The following DLGAP1 variants were observed in gnomAD, a reference collection of about 807,000 sequenced individuals.
DLGAP1 encodes DLG associated protein 1.
DLGAP1 carries 11 observed loss-of-function variants against 90.8 expected under a neutral mutation model. That is an observed-to-expected ratio of 0.12 (90% CI 0.08 to 0.20). The LOEUF (loss-of-function observed/expected upper bound fraction) is 0.20, where lower values mean the gene tolerates loss of function less well. Ranked by LOEUF, DLGAP1 falls within the 10% of genes least tolerant of loss-of-function variation. The pLI is 1.00. For missense variants in DLGAP1, 1,050 were observed against 1,333.8 expected (o/e 0.79, Z 3.31); for synonymous variants, 558 against 540.7 (o/e 1.03, Z -0.44).
intron 3 of DLGAP1, among the ~76,000 whole-genome samples, chr18:3,962,747 G>C (rs2073229633): frequency 6.6e-6 from 1 of 152,120 alleles, no homozygotes; most frequent in Non-Finnish European, 1.5e-5. Flanking sequence ...TTTTGCTTTG[G>C]ACTGACAGCG....
In DLGAP1 at chr18:3,754,157, T is replaced by C. The variant is rs115021482; in HGVS notation, c.1173-11645A>G. ...TTGGAACTACAGGCACATGCCACCA[T>C]ACCCTGCTAATTTTTTTGTATTTTT... On this transcript the variant is annotated intron_variant, in intron 5 of 12. Transcript: ENST00000315677. 1.2e-3 allele frequency among the ~76,000 whole-genome samples: 177 copies of C among 152,210 alleles called. 1 individual carries two copies. Among genetic ancestry groups the C allele is most frequent in the African/African-American group, 4.1e-3 (171 of 41,528 alleles).
intron 2 of DLGAP1, among the ~76,000 whole-genome samples, chr18:4,138,022 T>A (rs928899664): frequency 3.9e-5 from 6 of 152,144 alleles, no homozygotes; most frequent in African/African-American, 1.4e-4. Context: ...GTCTTTAGGC[T>A]TTCCCACATA....
intron 7 of DLGAP1, among the ~76,000 whole-genome samples, chr18:3,676,714 T>C (rs951428893): frequency 1.3e-5 from 2 of 151,848 alleles, no homozygotes; most frequent in Admixed American, 1.3e-4. Context: ...TAGAAGAAAT[T>C]GTGAGGTCAG....
At chr18:4,422,176 TA>T (rs1483028357) in intron 1 of DLGAP1, among the ~76,000 whole-genome samples, 2 of 151,758 alleles carry the variant, frequency 1.3e-5, no homozygotes, top group East Asian at 1.9e-4. Context: ...ACCTGAGGCT[TA>T]ATTTATAATA....
intron 1 of DLGAP1, among the ~76,000 whole-genome samples, chr18:4,435,939 C>T (rs9959501): frequency 0.052 from 7,962 of 152,084 alleles, 691 homozygotes; most frequent in African/African-American, 0.18. Context: ...AGCAGATGCG[C>T]ACACAGGTGT....
chr18:4,140,919 T>C (rs2076485061), intron 2 of DLGAP1, among the ~76,000 whole-genome samples: 1 of 152,028 alleles, frequency 6.6e-6, no homozygotes, highest in African/African-American at 2.4e-5. Context: ...TGGAGATCCA[T>C]TGCATGTTAT....
At chr18:3,783,101 TTAC>T (rs1357916441) in intron 5 of DLGAP1, among the ~76,000 whole-genome samples, 3 of 152,256 alleles carry the variant, frequency 2.0e-5, no homozygotes, top group Admixed American at 2.0e-4. Flanking sequence ...CCACAGTGAA[TTAC>T]TACTTCACAC....
chr18:3,746,263 ATAGAT>A (rs967357006), intron 5 of DLGAP1, among the ~76,000 whole-genome samples: 2 of 152,198 alleles, frequency 1.3e-5, no homozygotes, highest in African/African-American at 4.8e-5. Flanking sequence ...CCAATACAAT[ATAGAT>A]TATATTTTAT....
At chr18:3,708,606 G>A in intron 7 of DLGAP1, 2 of 449,886 alleles carry the variant, frequency 4.4e-6, no homozygotes, top group Admixed American at 4.7e-5. Context: ...TGTTTGCGAT[G>A]GGCATCTGGA....
intron 1 of DLGAP1, among the ~76,000 whole-genome samples, chr18:4,289,029 T>C (rs1022040887): frequency 9.2e-5 from 14 of 152,082 alleles, no homozygotes; most frequent in Admixed American, 8.5e-4. Context: ...TGGACAAATA[T>C]GAAAATGAAA....
intron 1 of DLGAP1, chr18:4,430,903 C>T (rs2083274412): frequency 6.5e-6 from 1 of 152,886 alleles, no homozygotes; most frequent in East Asian, 1.9e-4. Flanking sequence ...GAGATCATTG[C>T]TCAAGCATGT....
intron 4 of DLGAP1, among the ~76,000 whole-genome samples, chr18:3,819,096 G>A (rs554238887): frequency 1.3e-5 from 2 of 151,852 alleles, no homozygotes; most frequent in African/African-American, 4.8e-5. Context: ...CAGATCATGA[G>A]GCAAGGAGTT....
At chr18:3,747,711 C>T (rs536763049) in intron 5 of DLGAP1, among the ~76,000 whole-genome samples, 19 of 152,234 alleles carry the variant, frequency 1.2e-4, no homozygotes, top group South Asian at 1.0e-3. Flanking sequence ...TCTGGCCACT[C>T]GTTATGAAAT....
chr18:4,077,045 CA>C (rs2075534754), intron 2 of DLGAP1, among the ~76,000 whole-genome samples: 1 of 152,114 alleles, frequency 6.6e-6, no homozygotes, highest in Non-Finnish European at 1.5e-5. Flanking sequence ...AGAAGGGTTC[CA>C]GTGTGCATCA....
chr18:4,027,035 C>A (rs2074711781), intron 2 of DLGAP1, among the ~76,000 whole-genome samples: 2 of 152,090 alleles, frequency 1.3e-5, no homozygotes, highest in South Asian at 4.2e-4. Context: ...GACTCTACTG[C>A]AGCCACAGTG....
chr18:4,153,541 T>A (rs2076708349), intron 1 of DLGAP1, among the ~76,000 whole-genome samples: 1 of 152,182 alleles, frequency 6.6e-6, no homozygotes, highest in Non-Finnish European at 1.5e-5. Flanking sequence ...TTCTTTTTTT[T>A]AACCACCACA....
intron 3 of DLGAP1, among the ~76,000 whole-genome samples, chr18:3,982,308 T>G (rs2073748783): frequency 6.6e-6 from 1 of 152,220 alleles, no homozygotes; most frequent in Admixed American, 6.5e-5. Context: ...CCACGTCATG[T>G]ACATATCTCA....
intron 3 of DLGAP1, among the ~76,000 whole-genome samples, chr18:3,928,179 A>G (rs1568304470): frequency 6.6e-6 from 1 of 152,216 alleles, no homozygotes; most frequent in Non-Finnish European, 1.5e-5. Flanking sequence ...CCAGAGCAGC[A>G]TCTAATGCTC....
chr18:3,993,364 T>G (rs1478068998), intron 3 of DLGAP1, among the ~76,000 whole-genome samples: 1 of 152,192 alleles, frequency 6.6e-6, no homozygotes, highest in East Asian at 1.9e-4. Flanking sequence ...TTCTCATTGA[T>G]TTTAATCAAT....
Sources: gnomAD v4.1 joint callset for allele counts (sites outside exome capture counted in the v4.1 genomes callset) on GRCh38, gnomAD v4.1.1 for gene constraint, MANE v1.5 for transcripts, NCBI Gene and HGNC (gene_info 2026-07-23, HGNC 2026-07-21) for gene names.